Variants in MCC observed in about 807,000 individuals in gnomAD.
MCC encodes the protein colorectal mutant cancer protein.
Under a neutral mutation model 116.2 loss-of-function variants are expected in MCC, and 90 were observed. The observed-to-expected ratio is 0.77, with a 90% CI of 0.65 to 0.92. MCC has a LOEUF of 0.92. Among genes scored for constraint, MCC ranks in the 40% least tolerant of loss-of-function variants. MCC has a pLI of 0.00. For missense variants in MCC, 1,516 were observed against 1,312.2 expected (o/e 1.16, Z -2.40); for synonymous variants, 578 against 510.5 (o/e 1.13, Z -1.78).
intron 3 of MCC, among the ~76,000 whole-genome samples, chr5:113,199,934 A>G (rs1762599260): frequency 6.6e-6 from 1 of 152,238 alleles, no homozygotes; most frequent in African/African-American, 2.4e-5. Flanking sequence ...ATTTTGAAAG[A>G]TAAAAGTGGC....
rs1330561637 is a variant in MCC, at chr5:113,071,142, C to A, written c.1877G>T (p.Gly626Val). Reference sequence around the variant, plus strand: ...CGCTGTGGCATTGGATTCGTATTTTCCCACCAGCATGCTCATCCTCTCGGC... The same window carrying A: ...CGCTGTGGCATTGGATTCGTATTTTACCACCAGCATGCTCATCCTCTCGGC... ...SNAERMSMLV[G>V]KYESNATALR... Residue 626 changes from glycine (G) to valine (V), a missense_variant, in exon 12 of 19, where the codon GGA becomes GTA. Transcript: ENST00000408903. 3.1e-6 allele frequency: 5 copies of A among 1,614,124 alleles called. No individual in the cohort carries two copies. Among genetic ancestry groups the A allele is most frequent in the South Asian group, 1.1e-5 (1 of 91,078 alleles).
intron 3 of MCC, among the ~76,000 whole-genome samples, chr5:113,304,552 T>C (rs1766936441): frequency 6.6e-6 from 1 of 152,228 alleles, no homozygotes; most frequent in Admixed American, 6.5e-5. Flanking sequence ...TTCACTACTT[T>C]ATGCAAGCAT....
chr5:113,333,893 ATATC>A (rs1252327914), intron 3 of MCC, among the ~76,000 whole-genome samples: 1 of 123,882 alleles, frequency 8.1e-6, no homozygotes, highest in Non-Finnish European at 1.7e-5. Context: ...ATGTATTTAT[ATATC>A]TATATAAATA....
intron 3 of MCC, chr5:113,234,339 A>T (rs1764053849): frequency 6.6e-6 from 1 of 152,096 alleles, no homozygotes; most frequent in Non-Finnish European, 1.5e-5. Context: ...TCTTATATAA[A>T]AATATATAAA....
intron 15 of MCC, 55 bp downstream of exon 15, chr5:113,053,667 GGTT>G: frequency 8.0e-7 from 1 of 1,254,520 alleles, no homozygotes; most frequent in Admixed American, 1.8e-5. Flanking sequence ...TGCTTTCAGA[GGTT>G]GTTTAGATTT....
intron 1 of MCC, among the ~76,000 whole-genome samples, chr5:113,415,380 T>C (rs1770113380): frequency 6.6e-6 from 1 of 152,242 alleles, no homozygotes; most frequent in Non-Finnish European, 1.5e-5. Flanking sequence ...TTGGTTCCAT[T>C]CTCCTCGTCA....
intron 3 of MCC, among the ~76,000 whole-genome samples, chr5:113,155,262 C>T (rs995393477): frequency 6.6e-6 from 1 of 152,218 alleles, no homozygotes; most frequent in South Asian, 2.1e-4. Flanking sequence ...ATATGTACCA[C>T]ACTCTGTATA....
Position 113,053,800 on chromosome 5 carries a change from G to A in MCC, c.2373C>T (p.Asp791=), listed in dbSNP as rs113251823. 6.8e-5 allele frequency: 109 copies of A among 1,614,146 alleles called. 2 individuals are homozygous for A. The African/African-American group carries it at 6.9e-4, about 10-fold the overall frequency. The change falls in exon 15 of 19, where the codon GAC becomes GAT. Residue 791 remains aspartate (D), a synonymous_variant. Coordinates refer to ENST00000408903, the MANE Select transcript of MCC (RefSeq NM_001085377.2). ...ESIHIDPLSY[D]VKPRGDSQRL... ...TCTGGCTGTCTCCCCGAGGCTTGACGTCATAGCTGAGAGGATCGATGTGGA... is the reference window on the plus strand; with the variant it reads ...TCTGGCTGTCTCCCCGAGGCTTGACATCATAGCTGAGAGGATCGATGTGGA...
chr5:113,065,167 G>T (rs1023313476), intron 13 of MCC, among the ~76,000 whole-genome samples: 4 of 152,184 alleles, frequency 2.6e-5, no homozygotes, highest in African/African-American at 9.7e-5. Context: ...ACAGCACCAA[G>T]AATGAACTCT....
intron 4 of MCC, among the ~76,000 whole-genome samples, chr5:113,146,707 A>G (rs1759544802): frequency 6.6e-6 from 1 of 152,194 alleles, no homozygotes; most frequent in Admixed American, 6.5e-5. Flanking sequence ...AGTTTCTTCT[A>G]CTACAACTTG....
chr5:113,080,981 T>A (rs1251690007), intron 11 of MCC, among the ~76,000 whole-genome samples: 1 of 152,158 alleles, frequency 6.6e-6, no homozygotes, highest in African/African-American at 2.4e-5. Flanking sequence ...CCTTTCTGTT[T>A]TACTTTGCTT....
chr5:113,037,870 G>C (rs1221141561), intron 17 of MCC, among the ~76,000 whole-genome samples: 1 of 152,198 alleles, frequency 6.6e-6, no homozygotes, highest in East Asian at 1.9e-4. Context: ...TACAGATCAA[G>C]CATGGGGAAA....
At chr5:113,257,661 A>G (rs911327193) in intron 3 of MCC, among the ~76,000 whole-genome samples, 5 of 152,170 alleles carry the variant, frequency 3.3e-5, no homozygotes, top group South Asian at 4.1e-4. Context: ...GGATAAGAGG[A>G]AGAAAGCAGT....
intron 3 of MCC, among the ~76,000 whole-genome samples, chr5:113,193,267 T>G (rs940174792): frequency 6.6e-6 from 1 of 151,894 alleles, no homozygotes; most frequent in Non-Finnish European, 1.5e-5. Context: ...AACAGCCTCA[T>G]CTCAAGATTC....
chr5:113,057,365 G>A (rs1480713598), intron 14 of MCC, among the ~76,000 whole-genome samples: 1 of 152,130 alleles, frequency 6.6e-6, no homozygotes. Context: ...CAGAGGCAGG[G>A]GTGCACCTTG....
At chr5:113,261,067 G>A (rs1002748170) in intron 3 of MCC, among the ~76,000 whole-genome samples, 4 of 152,072 alleles carry the variant, frequency 2.6e-5, no homozygotes, top group African/African-American at 4.8e-5. Flanking sequence ...GTCGACTTAC[G>A]ATGGGGTCAC....
At chr5:113,045,025 C>T (rs1481237117) in intron 16 of MCC, among the ~76,000 whole-genome samples, 2 of 152,218 alleles carry the variant, frequency 1.3e-5, no homozygotes, top group Non-Finnish European at 2.9e-5. Flanking sequence ...ACCTGGGCCG[C>T]CTTCCACCTC....
chr5:113,129,322 G>A (rs950795973), intron 5 of MCC, among the ~76,000 whole-genome samples: 7 of 152,158 alleles, frequency 4.6e-5, no homozygotes, highest in Admixed American at 4.6e-4. Flanking sequence ...AGGGTCAAAT[G>A]CCATAGAAAG....
At chr5:113,152,010 C>T (rs143525000) in intron 3 of MCC, among the ~76,000 whole-genome samples, 293 of 152,202 alleles carry the variant, frequency 1.9e-3, no homozygotes, top group African/African-American at 6.6e-3. Flanking sequence ...CCACTTCCCC[C>T]GAAAGGCTGT....
Sources: allele counts gnomAD v4.1 joint callset (sites outside exome capture counted in the v4.1 genomes callset), GRCh38; gene constraint gnomAD v4.1.1; transcripts MANE v1.5; gene names NCBI Gene and HGNC (gene_info 2026-07-23, HGNC 2026-07-21).